PDZRN4: variants seen among roughly 807,000 people sequenced by gnomAD.
PDZRN4 encodes PDZ domain containing ring finger 4.
In PDZRN4, 70 loss-of-function variants were observed where a neutral mutation model predicts 99.0. The observed-to-expected ratio is 0.71, with a 90% CI of 0.58 to 0.86. PDZRN4 has a LOEUF of 0.86. Among genes scored for constraint, PDZRN4 ranks in the 40% least tolerant of loss-of-function variants. The pLI is 0.00. For synonymous variants in PDZRN4, 551 were observed against 501.6 expected (o/e 1.10, Z -1.32); for missense variants, 1,474 against 1,331.2 (o/e 1.11, Z -1.67).
chr12:41,467,797 C>A (rs1052507012), intron 3 of PDZRN4, among the ~76,000 whole-genome samples: 4 of 152,168 alleles, frequency 2.6e-5, no homozygotes, highest in African/African-American at 9.7e-5. Context: ...TACTTACTGG[C>A]CAAGTAAAAG....
chr12:41,193,109 A>G (rs1302981482), intron 2 of PDZRN4, among the ~76,000 whole-genome samples: 1 of 152,198 alleles, frequency 6.6e-6, no homozygotes, highest in Non-Finnish European at 1.5e-5. Flanking sequence ...TTGAAAACTT[A>G]GCAACTAATG....
intron 3 of PDZRN4, among the ~76,000 whole-genome samples, chr12:41,222,509 A>G (rs1950963605): frequency 6.6e-6 from 1 of 152,000 alleles, no homozygotes. Flanking sequence ...AAAATGTAAT[A>G]TATTACTATT....
chr12:41,214,389 A>T (rs1165848267), intron 3 of PDZRN4, among the ~76,000 whole-genome samples: 1 of 137,540 alleles, frequency 7.3e-6, no homozygotes, highest in Non-Finnish European at 1.5e-5. Context: ...TGACCACCCC[A>T]CTGCACTCTA....
chr12:41,487,467 G>T (rs1937798947), intron 3 of PDZRN4, among the ~76,000 whole-genome samples: 1 of 152,086 alleles, frequency 6.6e-6, no homozygotes, highest in East Asian at 1.9e-4. Flanking sequence ...ATTTGCCTTT[G>T]ATTCTACTGT....
At chr12:41,510,802 C>T (rs1419692882) in intron 5 of PDZRN4, among the ~76,000 whole-genome samples, 1 of 152,030 alleles carries the variant, frequency 6.6e-6, no homozygotes, top group Non-Finnish European at 1.5e-5. Context: ...AGCAAATGGA[C>T]GTTTGTTTGA....
intron 3 of PDZRN4, among the ~76,000 whole-genome samples, chr12:41,380,357 C>T (rs928844841): frequency 2.0e-5 from 3 of 151,902 alleles, no homozygotes; most frequent in Non-Finnish European, 2.9e-5. Flanking sequence ...TAGATAAGGC[C>T]TTGCTATTGC....
At chr12:41,226,559 A>G (rs1043025379) in intron 3 of PDZRN4, among the ~76,000 whole-genome samples, 6 of 152,126 alleles carry the variant, frequency 3.9e-5, no homozygotes, top group Admixed American at 1.3e-4. Flanking sequence ...CTTAAAAAAA[A>G]AAAATGAACG....
At chr12:41,302,064 G>T (rs531229524) in intron 3 of PDZRN4, among the ~76,000 whole-genome samples, 1 of 151,998 alleles carries the variant, frequency 6.6e-6, no homozygotes, top group Admixed American at 6.6e-5. Context: ...TATAACATTT[G>T]TGTATGTGTG....
At chr12:41,297,468 C>T (rs1335982657) in intron 3 of PDZRN4, among the ~76,000 whole-genome samples, 1 of 152,142 alleles carries the variant, frequency 6.6e-6, no homozygotes, top group African/African-American at 2.4e-5. Context: ...TTCACTGGTG[C>T]TGTGACTTTT....
intron 3 of PDZRN4, among the ~76,000 whole-genome samples, chr12:41,430,422 T>C (rs1292453482): frequency 6.6e-6 from 1 of 151,476 alleles, no homozygotes; most frequent in Non-Finnish European, 1.5e-5. Flanking sequence ...TGAGCCGAGA[T>C]TGTGCCACTG....
At chr12:41,369,922 G>A (rs1952028650) in intron 3 of PDZRN4, among the ~76,000 whole-genome samples, 1 of 151,494 alleles carries the variant, frequency 6.6e-6, no homozygotes, top group Admixed American at 6.6e-5. Context: ...CAGATATTAA[G>A]CATCTCATTT....
At chr12:41,411,048 AATAT>A (rs367970913) in intron 3 of PDZRN4, among the ~76,000 whole-genome samples, 4 of 128,362 alleles carry the variant, frequency 3.1e-5, no homozygotes, top group African/African-American at 8.8e-5. Flanking sequence ...TGAGCTTTAA[AATAT>A]ATATATATAT....
chr12:41,356,697 A>C (rs1334202931), intron 3 of PDZRN4, among the ~76,000 whole-genome samples: 6 of 151,950 alleles, frequency 3.9e-5, no homozygotes, highest in Non-Finnish European at 8.8e-5. Context: ...TGTTATCAGC[A>C]CATTTTCCAT....
At chr12:41,426,643 A>T (rs547972050) in intron 3 of PDZRN4, among the ~76,000 whole-genome samples, 1 of 152,292 alleles carries the variant, frequency 6.6e-6, no homozygotes, top group Admixed American at 6.5e-5. Flanking sequence ...ACATCTTAAT[A>T]GAATTTTTTT....
chr12:41,247,537 T>C lies in PDZRN4; in HGVS notation c.843+53349T>C, dbSNP rs186056004. ...ATGTGATGAACAAATATTCTTCCTC[T>C]GTGGTAGGGTTCATCGCCCTTTTGA... is the stretch of plus-strand genomic sequence containing the variant. On this transcript the variant is annotated intron_variant, in intron 3 of 9. Coordinates refer to ENST00000402685, the MANE Select transcript of PDZRN4 (RefSeq NM_001164595.2). Among the ~76,000 whole-genome samples, 6 of 152,342 alleles carry C rather than the reference T, an allele frequency of 3.9e-5. No homozygotes were observed. In the East Asian group the frequency reaches 9.6e-4, roughly 24 times the overall value.
At chr12:41,240,747 A>G (rs1951096747) in intron 3 of PDZRN4, among the ~76,000 whole-genome samples, 1 of 152,132 alleles carries the variant, frequency 6.6e-6, no homozygotes, top group African/African-American at 2.4e-5. Context: ...CACATGGTGG[A>G]CGGGGCCAGC....
intron 3 of PDZRN4, among the ~76,000 whole-genome samples, chr12:41,504,125 C>T (rs1450109393): frequency 6.6e-6 from 1 of 151,976 alleles, no homozygotes; most frequent in Non-Finnish European, 1.5e-5. Flanking sequence ...AAAAGTTAGC[C>T]TGGCATGGTG....
At chr12:41,480,035 A>G (rs1310091903) in intron 3 of PDZRN4, among the ~76,000 whole-genome samples, 1 of 152,218 alleles carries the variant, frequency 6.6e-6, no homozygotes, top group Admixed American at 6.5e-5. Flanking sequence ...TTAAGTCTGT[A>G]TAATGCTCAT....
chr12:41,285,511 A>T (rs1262840962), intron 3 of PDZRN4, among the ~76,000 whole-genome samples: 2 of 152,318 alleles, frequency 1.3e-5, no homozygotes, highest in Non-Finnish European at 1.5e-5. Flanking sequence ...CTGGGTATAT[A>T]CCCAAAGGAT....
Sources: gnomAD v4.1 joint callset for allele counts (sites outside exome capture counted in the v4.1 genomes callset) on GRCh38, gnomAD v4.1.1 for gene constraint, MANE v1.5 for transcripts, NCBI Gene and HGNC (gene_info 2026-07-23, HGNC 2026-07-21) for gene names.